SSBP2: variants seen among roughly 807,000 people sequenced by gnomAD.
SSBP2 encodes the protein single stranded DNA binding protein 2.
SSBP2 carries 17 observed loss-of-function variants against 61.8 expected under a neutral mutation model. The ratio of observed to expected loss-of-function variants is 0.28; its 90% confidence interval spans 0.19 to 0.41. SSBP2 has a LOEUF of 0.41. Ranked by LOEUF, SSBP2 falls within the 10% of genes least tolerant of loss-of-function variation. SSBP2 has a pLI of 1.00. For synonymous variants in SSBP2, 139 were observed against 141.3 expected (o/e 0.98, Z 0.12); for missense variants, 310 against 458.7 (o/e 0.68, Z 2.96).
intron 12 of SSBP2, among the ~76,000 whole-genome samples, chr5:81,445,174 A>T (rs1162610696): frequency 1.2e-5 from 1 of 84,770 alleles, no homozygotes; most frequent in Non-Finnish European, 2.3e-5. Flanking sequence ...ATATATATAT[A>T]TATGTATGTA....
intron 1 of SSBP2, among the ~76,000 whole-genome samples, chr5:81,711,951 C>T (rs1167384841): frequency 6.6e-6 from 1 of 151,654 alleles, no homozygotes; most frequent in African/African-American, 2.4e-5. Context: ...AAAATTAATA[C>T]AGGCCTAGCA....
chr5:81,645,713 T>G (rs917274748), intron 2 of SSBP2, among the ~76,000 whole-genome samples: 3 of 152,184 alleles, frequency 2.0e-5, no homozygotes, highest in African/African-American at 4.8e-5. Flanking sequence ...TTATTAAATG[T>G]TGAAGAATAA....
At chr5:81,724,173 TA>T (rs1191218652) in intron 1 of SSBP2, among the ~76,000 whole-genome samples, 1 of 152,072 alleles carries the variant, frequency 6.6e-6, no homozygotes, top group African/African-American at 2.4e-5. Context: ...TGTGTTGAGG[TA>T]TGCAAAAAAT....
intron 1 of SSBP2, among the ~76,000 whole-genome samples, chr5:81,736,688 G>T (rs1756647588): frequency 6.6e-6 from 1 of 152,058 alleles, no homozygotes; most frequent in Non-Finnish European, 1.5e-5. Flanking sequence ...GTATTTTAAA[G>T]AGTACTAGTA....
intron 10 of SSBP2, among the ~76,000 whole-genome samples, chr5:81,458,439 T>C (rs1403615425): frequency 6.6e-6 from 1 of 152,176 alleles, no homozygotes; most frequent in Non-Finnish European, 1.5e-5. Flanking sequence ...GAGGAAATAA[T>C]AAAGCAAATG....
chr5:81,520,200 G>T (rs1006356105), intron 4 of SSBP2, among the ~76,000 whole-genome samples: 27 of 152,108 alleles, frequency 1.8e-4, no homozygotes, highest in African/African-American at 6.5e-4. Flanking sequence ...GGCCAGGCTG[G>T]TCTCAAACTC....
At chr5:81,638,555 T>A (rs1207838074) in intron 2 of SSBP2, among the ~76,000 whole-genome samples, 4 of 150,794 alleles carry the variant, frequency 2.7e-5, no homozygotes, top group Admixed American at 2.0e-4. Context: ...TGACATGCAG[T>A]AAGTGCCTGG....
At chr5:81,539,502 C>A (rs1771079393) in intron 4 of SSBP2, among the ~76,000 whole-genome samples, 1 of 152,174 alleles carries the variant, frequency 6.6e-6, no homozygotes, top group Non-Finnish European at 1.5e-5. Context: ...TTTTGAAGTT[C>A]TACTGTGGGT....
At chr5:81,750,526 ACCCCGG>A (rs1260621002) in intron 1 of SSBP2, among the ~76,000 whole-genome samples, 7 of 125,636 alleles carry the variant, frequency 5.6e-5, no homozygotes, top group Non-Finnish European at 1.0e-4. Context: ...GCCCGCCCCG[ACCCCGG>A]CCCCGACCCC....
rs750393328 is a variant in SSBP2, at chr5:81,693,578, C to T, written c.63-43239G>A. On this transcript the variant is annotated intron_variant, in intron 1 of 16. Transcript: ENST00000320672. The stretch of plus-strand genomic sequence containing the variant: ...AATGGCAAACAGGCATATGAAAAGG[C>T]GCTCAACATCATTGATCATCAGAGA... Among the ~76,000 whole-genome samples the T allele has an allele frequency of 5.3e-5, 8 of 152,116 alleles. No individual in the cohort carries two copies. The East Asian group carries it at 5.8e-4, about 11-fold the overall frequency.
At chr5:81,624,705 C>A (rs1388373168) in intron 3 of SSBP2, among the ~76,000 whole-genome samples, 1 of 152,064 alleles carries the variant, frequency 6.6e-6, no homozygotes, top group Non-Finnish European at 1.5e-5. Context: ...TGATTTTAGT[C>A]CACATTCTGC....
chr5:81,692,840 A>G (rs1753307364), intron 1 of SSBP2, among the ~76,000 whole-genome samples: 1 of 152,178 alleles, frequency 6.6e-6, no homozygotes, highest in Non-Finnish European at 1.5e-5. Context: ...ATTTCTCACC[A>G]TATATAAAAA....
intron 4 of SSBP2, among the ~76,000 whole-genome samples, chr5:81,587,802 T>G (rs1775184349): frequency 6.6e-6 from 1 of 151,046 alleles, no homozygotes; most frequent in South Asian, 2.1e-4. Flanking sequence ...TGAAACAGAA[T>G]AAACTGAGAT....
intron 1 of SSBP2, among the ~76,000 whole-genome samples, chr5:81,715,375 A>C (rs1321316302): frequency 6.6e-6 from 1 of 152,214 alleles, no homozygotes; most frequent in Non-Finnish European, 1.5e-5. Context: ...TGCTAAGGAA[A>C]ATAAAGAGTC....
At chr5:81,552,111 T>C (rs1045541540) in intron 4 of SSBP2, among the ~76,000 whole-genome samples, 9 of 152,186 alleles carry the variant, frequency 5.9e-5, no homozygotes, top group Non-Finnish European at 1.3e-4. Context: ...ATAAAATTAA[T>C]AACATTATCT....
chr5:81,514,739 A>C (rs556122646), intron 4 of SSBP2, among the ~76,000 whole-genome samples: 40 of 151,986 alleles, frequency 2.6e-4, no homozygotes, highest in Non-Finnish European at 5.3e-4. Context: ...GTAAAATCTC[A>C]GTATGTTTGT....
intron 1 of SSBP2, among the ~76,000 whole-genome samples, chr5:81,739,288 A>C (rs1176912639): frequency 6.6e-6 from 1 of 151,738 alleles, no homozygotes; most frequent in Non-Finnish European, 1.5e-5. Flanking sequence ...ACTTTACTGC[A>C]GTTCACCAAC....
intron 4 of SSBP2, among the ~76,000 whole-genome samples, chr5:81,612,559 T>G (rs951633771): frequency 6.6e-6 from 1 of 152,114 alleles, no homozygotes; most frequent in Non-Finnish European, 1.5e-5. Context: ...ATTCATTATT[T>G]ACCTCATTAT....
chr5:81,582,876 A>T (rs892050108), intron 4 of SSBP2, among the ~76,000 whole-genome samples: 3 of 152,138 alleles, frequency 2.0e-5, no homozygotes, highest in Non-Finnish European at 4.4e-5. Context: ...TACAGGTGTG[A>T]GCAACCGCAC....
Sources: allele counts gnomAD v4.1 joint callset (sites outside exome capture counted in the v4.1 genomes callset), GRCh38; gene constraint gnomAD v4.1.1; transcripts MANE v1.5; gene names NCBI Gene and HGNC (gene_info 2026-07-23, HGNC 2026-07-21).